The following GMDS variants were observed in gnomAD, a reference collection of about 807,000 sequenced individuals.
The protein encoded by GMDS is GDP-mannose 4,6-dehydratase, also known as GDP-mannose 4,6 dehydratase.
GMDS carries 20 observed loss-of-function variants against 49.9 expected under a neutral mutation model. That is an observed-to-expected ratio of 0.40 (90% CI 0.28 to 0.58). GMDS has a LOEUF of 0.58. Among genes scored for constraint, GMDS ranks in the 20% least tolerant of loss-of-function variants. The pLI is 0.42. For synonymous variants in GMDS, 177 were observed against 178.6 expected (o/e 0.99, Z 0.07); for missense variants, 362 against 481.4 (o/e 0.75, Z 2.32).
At chr6:1,845,664 G>A (rs1303490279) in intron 7 of GMDS, among the ~76,000 whole-genome samples, 3 of 152,258 alleles carry the variant, frequency 2.0e-5, no homozygotes, top group South Asian at 4.1e-4. Context: ...GGGGTGTGGG[G>A]CGATGGTTTT....
At chr6:2,101,332 G>C (rs1382510312) in intron 4 of GMDS, among the ~76,000 whole-genome samples, 1 of 151,392 alleles carries the variant, frequency 6.6e-6, no homozygotes, top group Non-Finnish European at 1.5e-5. Flanking sequence ...AAAAAAAAGA[G>C]AGAAAATAAA....
At chr6:1,911,552 T>C (rs1319678522) in intron 7 of GMDS, among the ~76,000 whole-genome samples, 2 of 146,230 alleles carry the variant, frequency 1.4e-5, no homozygotes, top group Non-Finnish European at 3.0e-5. Flanking sequence ...CTTTCCCCTA[T>C]TAAAAAAAAA....
At chr6:2,047,034 C>A (rs1770060938) in intron 4 of GMDS, among the ~76,000 whole-genome samples, 1 of 152,098 alleles carries the variant, frequency 6.6e-6, no homozygotes, top group African/African-American at 2.4e-5. Flanking sequence ...TTCATACACA[C>A]AAAGCAATTA....
intron 4 of GMDS, among the ~76,000 whole-genome samples, chr6:1,992,688 T>G (rs1444088038): frequency 6.6e-6 from 1 of 152,138 alleles, no homozygotes; most frequent in East Asian, 1.9e-4. Flanking sequence ...TTCATCATCT[T>G]CTAAAAGAAT....
Position 1,905,936 on chromosome 6 carries a change from G to A in GMDS, c.771+24167C>T, listed in dbSNP as rs543809628. On this transcript the variant is annotated intron_variant, in intron 7 of 10. Coordinates refer to ENST00000380815, the MANE Select transcript of GMDS (RefSeq NM_001500.4). ...TATGCAGGTGTCCCTGAGAAGGAGC[G>A]CCCAGGTGGCTGTTGAGTCCAAGCC... 4.6e-5 allele frequency among the ~76,000 whole-genome samples: 7 copies of A among 151,856 alleles called. No homozygotes were observed. In the East Asian group the frequency reaches 7.8e-4, roughly 17 times the overall value.
chr6:1,772,307 G>A (rs1196693337), intron 7 of GMDS, among the ~76,000 whole-genome samples: 1 of 152,192 alleles, frequency 6.6e-6, no homozygotes, highest in Non-Finnish European at 1.5e-5. Context: ...TAATTGGAAA[G>A]TGCTTGTAGT....
chr6:1,676,727 A>G (rs568520851), intron 9 of GMDS, among the ~76,000 whole-genome samples: 4 of 152,354 alleles, frequency 2.6e-5, no homozygotes, highest in Admixed American at 1.3e-4. Flanking sequence ...CTGGCTAGCC[A>G]TATGTAGAAA....
chr6:2,148,104 G>A (rs1426861347), intron 1 of GMDS, among the ~76,000 whole-genome samples: 1 of 151,976 alleles, frequency 6.6e-6, no homozygotes, highest in African/African-American at 2.4e-5. Context: ...TACTATTCCT[G>A]GAAACACTTT....
rs1037180233 is a variant in GMDS at position 1,766,961 on chromosome 6, G to A, written c.772-24375C>T. Among the ~76,000 whole-genome samples the A allele has an allele frequency of 6.6e-6, 1 of 152,118 alleles. No individual in the cohort carries two copies. The highest frequency in any genetic ancestry group is 2.4e-5 in the African/African-American group (1 of 41,438). ...CTGAATCTGACTTAAGTGTAAAATC[G>A]AGCAGGGATCCCCAAACCTTCCTCT... is the stretch of plus-strand genomic sequence containing the variant. On this transcript the variant is annotated intron_variant, in intron 7 of 10. Transcript: ENST00000380815. The surrounding 1 kb of genome is among the most constrained non-coding windows in gnomAD (Gnocchi z 4.5).
At chr6:1,956,552 AATT>A (rs1305371848) in intron 6 of GMDS, among the ~76,000 whole-genome samples, 1 of 152,124 alleles carries the variant, frequency 6.6e-6, no homozygotes, top group Non-Finnish European at 1.5e-5. Context: ...GGGCTCTACA[AATT>A]CAGCATGGGT....
chr6:1,959,327 C>T (rs945122000), intron 6 of GMDS, among the ~76,000 whole-genome samples: 3 of 152,146 alleles, frequency 2.0e-5, no homozygotes, highest in African/African-American at 7.2e-5. Context: ...TTACTATGTA[C>T]TCCATAAAAA....
At chr6:1,890,364 G>A (rs941957226) in intron 7 of GMDS, among the ~76,000 whole-genome samples, 6 of 152,084 alleles carry the variant, frequency 3.9e-5, no homozygotes, top group African/African-American at 1.4e-4. Flanking sequence ...CTTTCATGTC[G>A]GCTGAATATT....
At chr6:2,179,590 C>T (rs1778429589) in intron 1 of GMDS, among the ~76,000 whole-genome samples, 1 of 152,122 alleles carries the variant, frequency 6.6e-6, no homozygotes, top group Admixed American at 6.5e-5. Context: ...AGAGAGCAGC[C>T]CTCACCAGAC....
At chr6:1,792,066 A>G (rs1273564021) in intron 7 of GMDS, among the ~76,000 whole-genome samples, 1 of 152,198 alleles carries the variant, frequency 6.6e-6, no homozygotes, top group Non-Finnish European at 1.5e-5. Context: ...ATATTTATAT[A>G]CTTTTAAACT....
chr6:2,125,474 G>GT (rs1183664735), intron 1 of GMDS, among the ~76,000 whole-genome samples: 4 of 152,074 alleles, frequency 2.6e-5, no homozygotes, highest in African/African-American at 9.7e-5. Flanking sequence ...CGTGCCTATG[G>GT]TACCAGCTAC....
intron 8 of GMDS, among the ~76,000 whole-genome samples, chr6:1,726,995 C>T (rs903943967): frequency 2.0e-5 from 3 of 151,766 alleles, no homozygotes; most frequent in Non-Finnish European, 2.9e-5. Flanking sequence ...AGTTTTGTAA[C>T]CTAATTAACC....
Position 1,836,392 on chromosome 6 carries a change from G to A in GMDS, c.771+93711C>T, listed in dbSNP as rs1371773051. On this transcript the variant is annotated intron_variant, in intron 7 of 10. Coordinates refer to ENST00000380815, the MANE Select transcript of GMDS (RefSeq NM_001500.4). This position sits in a 1 kb window ranked among gnomAD's most constrained non-coding sequence, Gnocchi z 4.2. ...TCACCATCAACTAAGCAACTGCTAC[G>A]CTATTTCACTAAACTGAAAAAGGCA... 2.0e-5 allele frequency among the ~76,000 whole-genome samples: 3 copies of A among 152,116 alleles called. No homozygotes were observed. The highest frequency in any genetic ancestry group is 6.5e-5 in the Admixed American group (1 of 15,278).
chr6:1,916,693 G>C (rs1311254943), intron 7 of GMDS, among the ~76,000 whole-genome samples: 1 of 152,056 alleles, frequency 6.6e-6, no homozygotes, highest in East Asian at 1.9e-4. Flanking sequence ...AATACCACGC[G>C]CAATTAAACA....
At chr6:1,675,580 C>T (rs1349619697) in intron 9 of GMDS, among the ~76,000 whole-genome samples, 2 of 151,984 alleles carry the variant, frequency 1.3e-5, no homozygotes, top group African/African-American at 4.8e-5. Context: ...TGGCTGGGTG[C>T]GGTGGCTCAT....
Sources: allele counts gnomAD v4.1 joint callset (sites outside exome capture counted in the v4.1 genomes callset), GRCh38; gene constraint gnomAD v4.1.1; non-coding constraint Gnocchi (gnomAD v3.1); transcripts MANE v1.5; gene names NCBI Gene and HGNC (gene_info 2026-07-23, HGNC 2026-07-21).